Variants in C3orf49 observed in about 807,000 individuals in gnomAD.
C3orf49 encodes the protein putative uncharacterized protein C3orf49.
C3orf49 carries 27 observed loss-of-function variants against 13.3 expected under a neutral mutation model. The observed-to-expected ratio is 2.02, with a 90% confidence interval of 1.49 to 2.79. The LOEUF (loss-of-function observed/expected upper bound fraction) is 2.79, where lower values mean the gene tolerates loss of function less well. Among genes scored for constraint, C3orf49 ranks in the 30% most tolerant of loss-of-function variants. The pLI is 0.00. For synonymous variants in C3orf49, 87 were observed against 47.6 expected, an observed-to-expected ratio of 1.83 and a Z score of -3.40; for missense variants, 242 against 134.2, an observed-to-expected ratio of 1.80 and a Z score of -3.97.
At chr3:63,846,304 C>A in intron 6 of C3orf49, 3 of 387,046 alleles carry the variant, frequency 7.8e-6, no homozygotes, top group Non-Finnish European at 1.5e-5. Flanking sequence ...ACTCCCTGGA[C>A]AAAAATGGAC....
intron 5 of C3orf49, among the ~76,000 whole-genome samples, chr3:63,842,068 T>G (rs1429598557): frequency 6.6e-6 from 1 of 152,088 alleles, no homozygotes; most frequent in East Asian, 1.9e-4. Flanking sequence ...GAAAAAATAT[T>G]AATAGATCTA....
intron 5 of C3orf49, chr3:63,839,757 C>T (rs768856410): frequency 9.9e-6 from 16 of 1,613,426 alleles, no homozygotes; most frequent in Non-Finnish European, 1.2e-5. Flanking sequence ...TGAGGAGACG[C>T]TTCCGTATAA....
the C3orf49 span, among the ~76,000 whole-genome samples, chr3:63,809,649 T>A: frequency 6.6e-6 from 1 of 152,270 alleles, no homozygotes; most frequent in East Asian, 1.9e-4. Context: ...CTTCTACCAC[T>A]CTTGCTCTCC....
At chr3:63,838,678 T>C (rs1423965632) in intron 5 of C3orf49, among the ~76,000 whole-genome samples, 1 of 152,244 alleles carries the variant, frequency 6.6e-6, no homozygotes, top group Non-Finnish European at 1.5e-5. Flanking sequence ...GTAGTATTCT[T>C]GAATTTAACT....
At chr3:63,843,215 T>C (rs1382197813) in intron 5 of C3orf49, among the ~76,000 whole-genome samples, 1 of 152,072 alleles carries the variant, frequency 6.6e-6, no homozygotes, top group Non-Finnish European at 1.5e-5. Flanking sequence ...ATCTCCTGGG[T>C]TCAAGCGATT....
chr3:63,845,079 A>T lies in C3orf49; in HGVS notation c.*27A>T, dbSNP rs1386656427. On this transcript the variant is annotated 3_prime_UTR_variant, in exon 6 of 7. Transcript: ENST00000295896. ...CTGAGACTCCTTGAGGAACACAGGA[A>T]AAGGTGATGCTAACCTTCTTTTCTG... 1.4e-6 allele frequency: 1 copy of T among 698,618 alleles called. No individual in the cohort carries two copies. Among genetic ancestry groups the T allele is most frequent in the Non-Finnish European group, 2.6e-6 (1 of 382,756 alleles). 43.3% of individuals were successfully genotyped at this position (698,618 alleles called of 1,614,324 possible).
At chr3:63,782,841 C>T in the C3orf49 span, 1 of 152,192 alleles carries the variant, frequency 6.6e-6, no homozygotes, top group East Asian at 1.9e-4. Context: ...GCTATGGGTT[C>T]TTACCTTCCA....
At chr3:63,834,800 T>A (rs1701595401) in intron 5 of C3orf49, among the ~76,000 whole-genome samples, 1 of 152,140 alleles carries the variant, frequency 6.6e-6, no homozygotes, top group South Asian at 2.1e-4. Flanking sequence ...CACTACTCAG[T>A]GGGTATGCAA....
chr3:63,838,071 G>T, intron 5 of C3orf49: 1 of 1,582,962 alleles, frequency 6.3e-7, no homozygotes, highest in Admixed American at 1.9e-5. Context: ...TTCTATATGA[G>T]AAGGTTTTTT....
At chr3:63,846,891 A>G (rs1701909530) in intron 6 of C3orf49, among the ~76,000 whole-genome samples, 1 of 152,154 alleles carries the variant, frequency 6.6e-6, no homozygotes, top group Admixed American at 6.5e-5. Flanking sequence ...AAAAGACTGC[A>G]AATTACAGTT....
intron 1 of C3orf49, among the ~76,000 whole-genome samples, chr3:63,822,254 C>T (rs1432204185): frequency 2.0e-5 from 3 of 152,186 alleles, no homozygotes; most frequent in African/African-American, 4.8e-5. Flanking sequence ...GGATTACAGG[C>T]GTAAGCCACC....
chr3:63,802,352 A>G, the C3orf49 span, among the ~76,000 whole-genome samples: 1 of 152,240 alleles, frequency 6.6e-6, no homozygotes, highest in Non-Finnish European at 1.5e-5. Context: ...TGCTGCAAGG[A>G]AAGAAGTTCA....
chr3:63,811,100 A>G, the C3orf49 span, among the ~76,000 whole-genome samples: 12,675 of 152,172 alleles, frequency 0.083, 1,232 homozygotes, highest in African/African-American at 0.23. Context: ...CGCCTGCCTT[A>G]GCCTCCCAAA....
At chr3:63,826,308 C>A (rs1028623094) in intron 2 of C3orf49, among the ~76,000 whole-genome samples, 1 of 152,242 alleles carries the variant, frequency 6.6e-6, no homozygotes, top group East Asian at 1.9e-4. Flanking sequence ...GCAGGAAGAA[C>A]AATAAGCACC....
At chr3:63,789,248 G>T in the C3orf49 span, among the ~76,000 whole-genome samples, 3 of 152,128 alleles carry the variant, frequency 2.0e-5, no homozygotes, top group Non-Finnish European at 4.4e-5. Flanking sequence ...AATGCCTGAT[G>T]ATATGAGGTG....
chr3:63,838,984 A>C (rs573618829), intron 5 of C3orf49, among the ~76,000 whole-genome samples: 1 of 152,208 alleles, frequency 6.6e-6, no homozygotes, highest in African/African-American at 2.4e-5. Flanking sequence ...TAATGCTAGA[A>C]GTTTGACACC....
At chr3:63,803,139 A>G in the C3orf49 span, among the ~76,000 whole-genome samples, 1 of 152,210 alleles carries the variant, frequency 6.6e-6, no homozygotes, top group Non-Finnish European at 1.5e-5. Flanking sequence ...TACAATAGCA[A>G]ATTAAGCTGT....
chr3:63,782,339 CA>C, the C3orf49 span: 1 of 151,758 alleles, frequency 6.6e-6, no homozygotes, highest in African/African-American at 2.4e-5. Flanking sequence ...TCAAAAAAAA[CA>C]AACAAACATA....
chr3:63,781,912 G>T, the C3orf49 span, among the ~76,000 whole-genome samples: 1 of 152,182 alleles, frequency 6.6e-6, no homozygotes. Context: ...TTACAGACAT[G>T]GAAATGGAAA....
Sources: gnomAD v4.1 joint callset for allele counts (sites outside exome capture counted in the v4.1 genomes callset) on GRCh38, gnomAD v4.1.1 for gene constraint, MANE v1.5 for transcripts, NCBI Gene and HGNC (gene_info 2026-07-23, HGNC 2026-07-21) for gene names.